Variants in DNM3 observed in about 807,000 individuals in gnomAD.
The protein encoded by DNM3 is dynamin 3, also known as dynamin-3.
A neutral mutation model predicts 101.6 loss-of-function variants in DNM3; 47 were observed. That is an observed-to-expected ratio of 0.46 (90% CI 0.37 to 0.59). The LOEUF (loss-of-function observed/expected upper bound fraction) is 0.59, where lower values mean the gene tolerates loss of function less well. Ranked by LOEUF, DNM3 falls within the 20% of genes least tolerant of loss-of-function variation. The pLI is 0.00. For missense variants in DNM3, 849 were observed against 1,085.7 expected, an observed-to-expected ratio of 0.78 and a Z score of 3.06; for synonymous variants, 385 against 387.9, an observed-to-expected ratio of 0.99 and a Z score of 0.09.
chr1:172,367,315 A>T (rs1286433926), intron 17 of DNM3, among the ~76,000 whole-genome samples: 1 of 151,910 alleles, frequency 6.6e-6, no homozygotes, highest in Non-Finnish European at 1.5e-5. Context: ...AAACTGAGGA[A>T]ATTCATCACC....
At chr1:172,275,523 C>T (rs2063249958) in intron 15 of DNM3, among the ~76,000 whole-genome samples, 1 of 151,766 alleles carries the variant, frequency 6.6e-6, no homozygotes, top group South Asian at 2.1e-4. Flanking sequence ...ACATTTCAAC[C>T]TTCTTGCTCT....
chr1:172,307,023 A>G (rs2064852220), intron 15 of DNM3, among the ~76,000 whole-genome samples: 1 of 152,252 alleles, frequency 6.6e-6, no homozygotes, highest in Admixed American at 6.5e-5. Context: ...CAAAATTGAC[A>G]AATGGGATCT....
intron 2 of DNM3, among the ~76,000 whole-genome samples, chr1:171,940,963 A>G (rs903491836): frequency 2.7e-4 from 41 of 152,212 alleles, no homozygotes; most frequent in Admixed American, 2.6e-4. Context: ...AATCTTTAAA[A>G]ATGGTCTCAA....
Position 172,290,874 on chromosome 1 carries a change from C to T in DNM3, c.1770-17854C>T, listed in dbSNP as rs190105211. ...AATTTAAAGGCCTTTAAGAGGAAGA[C>T]GAGACAAAAAGAGATTAAGAAGCTG... On this transcript the variant is annotated intron_variant, in intron 15 of 20. Coordinates refer to ENST00000627582, the MANE Select transcript of DNM3 (RefSeq NM_015569.5). Among the ~76,000 whole-genome samples the T allele has an allele frequency of 4.0e-3, 602 of 152,086 alleles. 6 individuals carry two copies. The highest frequency in any genetic ancestry group is 3.7e-3 in the South Asian group (18 of 4,824).
At chr1:172,277,196 A>C (rs2063323586) in intron 15 of DNM3, among the ~76,000 whole-genome samples, 1 of 152,100 alleles carries the variant, frequency 6.6e-6, no homozygotes, top group Admixed American at 6.6e-5. Context: ...ATAACAAATG[A>C]GATTTCTCAT....
intron 4 of DNM3, among the ~76,000 whole-genome samples, chr1:172,028,200 G>T (rs2125782425): frequency 6.6e-6 from 1 of 152,250 alleles, no homozygotes; most frequent in East Asian, 1.9e-4. Context: ...CAAAAGAATG[G>T]AAATCGTAAC....
At chr1:171,882,959 C>A (rs560175457) in intron 1 of DNM3, among the ~76,000 whole-genome samples, 1 of 151,658 alleles carries the variant, frequency 6.6e-6, no homozygotes, top group African/African-American at 2.4e-5. Context: ...ATTGAACATA[C>A]AGAATAATCC....
At chr1:172,331,360 A>C (rs762578118) in intron 17 of DNM3, among the ~76,000 whole-genome samples, 1 of 152,204 alleles carries the variant, frequency 6.6e-6, no homozygotes, top group African/African-American at 2.4e-5. Flanking sequence ...TTAGGCTAGC[A>C]GAATAATTAT....
intron 4 of DNM3, among the ~76,000 whole-genome samples, chr1:172,008,400 T>C (rs1321581290): frequency 6.6e-6 from 1 of 151,680 alleles, no homozygotes; most frequent in Non-Finnish European, 1.5e-5. Context: ...GATCAGAGTC[T>C]AATTTCATAC....
chr1:172,235,662 C>A (rs1011793318), intron 14 of DNM3, among the ~76,000 whole-genome samples: 1 of 151,868 alleles, frequency 6.6e-6, no homozygotes, highest in Non-Finnish European at 1.5e-5. Context: ...ATACTATGAA[C>A]CCATAAAAAA....
At chr1:172,356,625 T>C (rs1387307266) in intron 17 of DNM3, among the ~76,000 whole-genome samples, 2 of 152,060 alleles carry the variant, frequency 1.3e-5, no homozygotes, top group Admixed American at 6.6e-5. Flanking sequence ...ATTTCCAATT[T>C]AGGCTGAGCT....
intron 14 of DNM3, among the ~76,000 whole-genome samples, chr1:172,193,152 T>C (rs1207671962): frequency 1.3e-5 from 2 of 152,068 alleles, no homozygotes; most frequent in African/African-American, 4.8e-5. Flanking sequence ...TTTTCGTGTG[T>C]TTTTTGGCTG....
chr1:171,862,972 A>C (rs890632960), intron 1 of DNM3, among the ~76,000 whole-genome samples: 1 of 151,798 alleles, frequency 6.6e-6, no homozygotes, highest in African/African-American at 2.4e-5. Context: ...ATGAGAGGTG[A>C]ATAAATGGGG....
At chr1:172,414,307 C>G (rs931332510), downstream of DNM3, among the ~76,000 whole-genome samples, 1 of 152,172 alleles carries the variant, frequency 6.6e-6, no homozygotes, top group East Asian at 1.9e-4. Flanking sequence ...AAAACTACAA[C>G]CTTAATTCAA....
chr1:172,208,339 C>A (rs1037400435), intron 14 of DNM3, among the ~76,000 whole-genome samples: 2 of 152,046 alleles, frequency 1.3e-5, no homozygotes, highest in Non-Finnish European at 1.5e-5. Flanking sequence ...CTTGGCTAGG[C>A]CACTATACCC....
At chr1:172,227,053 C>T (rs1345318444) in intron 14 of DNM3, among the ~76,000 whole-genome samples, 1 of 151,386 alleles carries the variant, frequency 6.6e-6, no homozygotes, top group Admixed American at 6.6e-5. Context: ...TCCTCACTCC[C>T]CTCCCACTCT....
At chr1:172,040,027 C>T (rs1292923767) in intron 7 of DNM3, among the ~76,000 whole-genome samples, 1 of 152,020 alleles carries the variant, frequency 6.6e-6, no homozygotes, top group Non-Finnish European at 1.5e-5. Flanking sequence ...TGTGAATTTG[C>T]AGAGAAAACA....
intron 2 of DNM3, among the ~76,000 whole-genome samples, chr1:171,962,422 A>G (rs1233548751): frequency 1.3e-5 from 2 of 152,220 alleles, no homozygotes; most frequent in Non-Finnish European, 2.9e-5. Context: ...GTTTAGGAGA[A>G]CAGAGTTTCT....
intron 17 of DNM3, among the ~76,000 whole-genome samples, chr1:172,350,813 T>G (rs1274747566): frequency 6.6e-6 from 1 of 152,156 alleles, no homozygotes; most frequent in East Asian, 1.9e-4. Context: ...CAGTTCAGGA[T>G]GCAGGATAAG....
Sources: allele counts gnomAD v4.1 joint callset (sites outside exome capture counted in the v4.1 genomes callset), GRCh38; gene constraint gnomAD v4.1.1; transcripts MANE v1.5; gene names NCBI Gene and HGNC (gene_info 2026-07-23, HGNC 2026-07-21).